Variants in PATJ observed in about 807,000 individuals in gnomAD.
The protein encoded by PATJ is inaD-like protein.
PATJ carries 190 observed loss-of-function variants against 224.9 expected under a neutral mutation model. The ratio of observed to expected loss-of-function variants is 0.84; its 90% CI spans 0.75 to 0.95. The LOEUF is 0.95. PATJ is among the 40% of genes least tolerant of loss of function. The pLI is 0.00. For missense variants in PATJ, 2,121 were observed against 2,270.3 expected (o/e 0.93, Z 1.34); for synonymous variants, 769 against 820.3 (o/e 0.94, Z 1.07).
chr1:61,935,233 A>G (rs1199360447), intron 27 of PATJ, among the ~76,000 whole-genome samples: 1 of 152,138 alleles, frequency 6.6e-6, no homozygotes, highest in Non-Finnish European at 1.5e-5. Context: ...GGTCCTAGAA[A>G]CTCAGTATAA....
At chr1:62,082,454 C>T (rs569064695) in intron 32 of PATJ, among the ~76,000 whole-genome samples, 8 of 152,294 alleles carry the variant, frequency 5.3e-5, no homozygotes, top group African/African-American at 1.9e-4. Flanking sequence ...TGGCTCTGTG[C>T]CACTCCAAAA....
chr1:61,871,465 A>ACATATATATGTACATATATATG (rs1185727367), intron 20 of PATJ, among the ~76,000 whole-genome samples: 7 of 119,252 alleles, frequency 5.9e-5, no homozygotes, highest in African/African-American at 2.2e-4. Context: ...GCGTATATAT[A>ACATATATATGTACATATATATG]TGTATATACA....
Position 61,899,647 on chromosome 1 carries a change from C to T in PATJ, c.3196C>T (p.Pro1066Ser). The T allele has an allele frequency of 1.2e-6, 2 of 1,608,450 alleles. No individual in the cohort carries two copies. Among genetic ancestry groups the T allele is most frequent in the Non-Finnish European group, 1.7e-6 (2 of 1,176,980 alleles). The change falls in exon 23 of 44, where the codon CCG (proline) becomes TCG (serine). Residue 1066 changes from proline to serine, a missense_variant. Pro to Ser is a moderately conservative substitution (Grantham distance 74). Transcript: ENST00000642238. ...ETPNFSHWGP[P>S]RIVEIFREPN... The stretch of plus-strand genomic sequence containing the variant: ...TCCAAATTTTAGCCACTGGGGTCCA[C>T]CGAGAATGTATGTGGATGACATTAT...
rs141959338 is a variant in PATJ, at chr1:62,004,976, A to G, written c.3868-12880A>G. On this transcript the variant is annotated intron_variant, in intron 28 of 43. Coordinates refer to ENST00000642238, the MANE Select transcript of PATJ (RefSeq NM_001350145.3). ...GTTTTCTTTCTATGACAATGCATCT[A>G]CATCTGTATCATCCTCCCCTACCTC... Among the ~76,000 whole-genome samples, 976 of 152,292 alleles carry G rather than the reference A, an allele frequency of 6.4e-3. 16 individuals carry two copies. The highest frequency in any genetic ancestry group is 0.022 in the African/African-American group (925 of 41,568).
chr1:61,773,828 C>T (rs1264458874), intron 6 of PATJ, among the ~76,000 whole-genome samples: 1 of 150,980 alleles, frequency 6.6e-6, no homozygotes, highest in Non-Finnish European at 1.5e-5. Flanking sequence ...CCCACCTCTA[C>T]AAAAGATAAT....
chr1:61,788,252 G>A (rs1294183974), intron 8 of PATJ, among the ~76,000 whole-genome samples: 1 of 152,170 alleles, frequency 6.6e-6, no homozygotes, highest in African/African-American at 2.4e-5. Context: ...CTGGTGAGGA[G>A]ACATCCAGGT....
chr1:61,749,925 G>C (rs559653684), intron 1 of PATJ, among the ~76,000 whole-genome samples: 35 of 152,136 alleles, frequency 2.3e-4, no homozygotes, highest in Non-Finnish European at 4.4e-4. Flanking sequence ...TGATCTGCCT[G>C]CCTTGGCCTC....
At position 61,884,297 on chromosome 1, in the gene PATJ, AAAGGAG is replaced by A. The variant is rs1414662012; in HGVS notation, c.3021_3026del (p.Arg1008_Arg1009del). 6.2e-7 allele frequency: 1 copy of A among 1,613,750 alleles called. No homozygotes were observed. The highest frequency in any genetic ancestry group is 1.1e-5 in the South Asian group (1 of 91,010). On this transcript the variant is annotated inframe_deletion, in exon 22 of 44. Transcript: ENST00000642238. ...CTCATTGACCTTCCTGTTGTGGCTC[AAAGGAG>A]GGAGCAAGAAGATTTGCCTTTATAT...
At chr1:62,136,262 C>T (rs1485312963) in intron 41 of PATJ, among the ~76,000 whole-genome samples, 1 of 151,716 alleles carries the variant, frequency 6.6e-6, no homozygotes, top group African/African-American at 2.4e-5. Context: ...GAACTCCTGA[C>T]CTCAAGTGAT....
At chr1:61,894,018 G>A (rs1234288951) in intron 22 of PATJ, among the ~76,000 whole-genome samples, 1 of 152,096 alleles carries the variant, frequency 6.6e-6, no homozygotes, top group Admixed American at 6.5e-5. Flanking sequence ...ACTTCGGGAG[G>A]CTGAGGCGGG....
At chr1:61,839,288 TAAAAAC>T (rs999109086) in intron 17 of PATJ, among the ~76,000 whole-genome samples, 25 of 152,134 alleles carry the variant, frequency 1.6e-4, no homozygotes, top group Non-Finnish European at 2.9e-4. Context: ...TTTCATATCT[TAAAAAC>T]TAAGCTACTA....
At chr1:61,748,161 G>A (rs989451787) in intron 1 of PATJ, among the ~76,000 whole-genome samples, 5 of 150,454 alleles carry the variant, frequency 3.3e-5, no homozygotes, top group Non-Finnish European at 7.4e-5. Context: ...TTACAAGTGT[G>A]AGCCACTGAT....
Position 61,775,226 on chromosome 1 carries a change from A to G in PATJ, c.741A>G (p.Glu247=), listed in dbSNP as rs112271605. The G allele has an allele frequency of 6.2e-7, 1 of 1,610,268 alleles. No homozygotes were observed. Among genetic ancestry groups the G allele is most frequent in the East Asian group, 2.2e-5 (1 of 44,712 alleles). Residue 247 remains glutamate (E), a synonymous_variant, in exon 7 of 44, where the codon GAA becomes GAG. Transcript: ENST00000642238. ...LPETVCWGHV[E]EVELINDGSG... ...TGTAGGTTTGTTGGGGCCATGTTGAAGAGGTTGAGCTCATTAATGATGGCT... is the reference window on the plus strand; with the variant it reads ...TGTAGGTTTGTTGGGGCCATGTTGAGGAGGTTGAGCTCATTAATGATGGCT...
At position 62,114,343 on chromosome 1, in the gene PATJ, G is replaced by A. The variant is rs186383702; in HGVS notation, c.4655+97G>A. The A allele has an allele frequency of 3.8e-3, 4,026 of 1,057,672 alleles. 14 individuals are homozygous for A. Among genetic ancestry groups the A allele is most frequent in the Non-Finnish European group, 5.0e-3 (3,686 of 734,190 alleles). 65.5% of individuals were successfully genotyped at this position (1,057,672 alleles called of 1,614,324 possible). ...AGAAAGCCTAATGTAAAGTAGTGATGGGATTTCTAAAAATAAGATATTTAT... is the reference window on the plus strand; with the variant it reads ...AGAAAGCCTAATGTAAAGTAGTGATAGGATTTCTAAAAATAAGATATTTAT... On this transcript the variant is annotated intron_variant, in intron 35 of 43. Coordinates refer to ENST00000642238, the MANE Select transcript of PATJ (RefSeq NM_001350145.3).
chr1:61,814,163 TG>T (rs1326040307), intron 14 of PATJ, among the ~76,000 whole-genome samples: 2 of 126,216 alleles, frequency 1.6e-5, no homozygotes, highest in East Asian at 5.3e-4. Flanking sequence ...TGAGATTCAG[TG>T]ATTCAGTCTC....
chr1:61,743,891 G>A (rs938519989), intron 1 of PATJ, among the ~76,000 whole-genome samples: 1 of 151,820 alleles, frequency 6.6e-6, no homozygotes, highest in Non-Finnish European at 1.5e-5. Flanking sequence ...AAGAGGGGAG[G>A]GTAAAAGGAA....
Position 61,875,275 on chromosome 1 carries a change from A to C in PATJ, c.2868A>C (p.Pro956=). 6.2e-7 allele frequency: 1 copy of C among 1,606,432 alleles called. No individual in the cohort carries two copies. The highest frequency in any genetic ancestry group is 1.1e-5 in the South Asian group (1 of 90,398). The part of the protein sequence containing the change: ...MKENFVMESL[P]SVPSTEGNSQ... ...AAAATTTTGTCATGGAGTCCCTACC[A>C]TCTGTACCATCAACTGAAGGAAACA... The change falls in exon 21 of 44, where the codon CCA becomes CCC. Residue 956 remains proline (P), a synonymous_variant. Coordinates refer to ENST00000642238, the MANE Select transcript of PATJ (RefSeq NM_001350145.3).
chr1:62,024,011 G>C (rs975900892), intron 29 of PATJ, among the ~76,000 whole-genome samples: 3 of 152,188 alleles, frequency 2.0e-5, no homozygotes, highest in Admixed American at 2.0e-4. Flanking sequence ...TTACTGATTT[G>C]TGTGTGTTGA....
Position 61,903,544 on chromosome 1 carries a change from C to T in PATJ, c.3381+2085C>T, listed in dbSNP as rs559935291. Among the ~76,000 whole-genome samples the T allele has an allele frequency of 2.0e-5, 3 of 151,986 alleles. No individual in the cohort carries two copies. In the East Asian group the frequency reaches 5.8e-4, roughly 29 times the overall value. ...TCTTACTAATTTTTTTGGTCTTTTT[C>T]CTCAGTTTCAGTTAGAGTTTGTCCC... On this transcript the variant is annotated intron_variant, in intron 24 of 43. Transcript: ENST00000642238.
Sources: allele counts gnomAD v4.1 joint callset (sites outside exome capture counted in the v4.1 genomes callset), GRCh38; gene constraint gnomAD v4.1.1; transcripts MANE v1.5; gene names NCBI Gene and HGNC (gene_info 2026-07-23, HGNC 2026-07-21).